Variants in TSN observed in about 807,000 individuals in gnomAD.
The protein encoded by TSN is translin, also known as component 3 of promoter of RISC.
A neutral mutation model predicts 29.4 loss-of-function variants in TSN; 5 were observed. The ratio of observed to expected loss-of-function variants is 0.17; its 90% CI spans 0.09 to 0.36. TSN has a LOEUF of 0.36. Among genes scored for constraint, TSN ranks in the 10% least tolerant of loss-of-function variants. The pLI, the probability that TSN is intolerant of heterozygous loss-of-function variation, is 1.00. For missense variants in TSN, 159 were observed against 272.8 expected, an observed-to-expected ratio of 0.58 and a Z score of 2.94; for synonymous variants, 106 against 102.2, an observed-to-expected ratio of 1.04 and a Z score of -0.23.
At position 121,757,250 on chromosome 2, in the gene TSN, A is replaced by G; in HGVS notation, c.77A>G (p.Lys26Arg). ...TTTAATTCTCTCTAGGAAATCAGAA[A>G]AGTTGTACAGAGTTTAGAACAAACA... ...AEQDIREEIR[K>R]VVQSLEQTAR... The change falls in exon 2 of 6, where the codon AAA becomes AGA. Residue 26 changes from lysine to arginine, a missense_variant. Transcript: ENST00000389682. The G allele has an allele frequency of 1.1e-5, 17 of 1,613,946 alleles. No homozygotes were observed. The highest frequency in any genetic ancestry group is 1.4e-5 in the Non-Finnish European group (16 of 1,179,932).
chr2:121,761,834 T>G (rs2074832853), intron 4 of TSN, among the ~76,000 whole-genome samples: 1 of 152,240 alleles, frequency 6.6e-6, no homozygotes, highest in African/African-American at 2.4e-5. Context: ...ATATTTTTTT[T>G]TTTTTGAGAC....
Position 121,757,284 on chromosome 2 carries a change from G to A in TSN, c.111G>A (p.Glu37=). ...AGAGTTTAGAACAAACAGCTCGAGA[G>A]ATTTTAACTCTACTGCAAGGGGTCC... ...VVQSLEQTAR[E]ILTLLQGVHQ... Residue 37 remains glutamate, a synonymous_variant, in exon 2 of 6, where the codon GAG becomes GAA. Coordinates refer to ENST00000389682, the MANE Select transcript of TSN (RefSeq NM_004622.3). 2 of 1,614,148 alleles carry A rather than the reference G, an allele frequency of 1.2e-6. No individual in the cohort carries two copies. Among genetic ancestry groups the A allele is most frequent in the Non-Finnish European group, 1.7e-6 (2 of 1,180,018 alleles).
At chr2:121,756,098 C>T in intron 1 of TSN, 1 of 705,260 alleles carries the variant, frequency 1.4e-6, no homozygotes, top group South Asian at 2.1e-5. Context: ...CTTTTCAGCA[C>T]TTGTTTATAT....
intron 4 of TSN, 84 bp downstream of exon 4, chr2:121,761,608 T>G: frequency 9.4e-7 from 1 of 1,062,312 alleles, no homozygotes; most frequent in Non-Finnish European, 1.5e-6. Context: ...CTTTGTTTAT[T>G]AAAACAAACA....
chr2:121,756,319 C>A (rs1200859536), intron 1 of TSN: 3 of 252,592 alleles, frequency 1.2e-5, no homozygotes, highest in Non-Finnish European at 2.4e-5. Context: ...TTTACCTCTT[C>A]TAGTGCCCCA....
chr2:121,763,136 AGT>A, intron 5 of TSN, 52 bp downstream of exon 5: 131 of 650,624 alleles, frequency 2.0e-4, no homozygotes, highest in Middle Eastern at 3.1e-4. Flanking sequence ...CTTCACTGTC[AGT>A]TTTTTTTTTT....
intron 2 of TSN, 103 bp downstream of exon 2, chr2:121,757,436 T>C: frequency 6.4e-7 from 1 of 1,566,522 alleles, no homozygotes; most frequent in Non-Finnish European, 8.7e-7. Context: ...TGCTTTATGG[T>C]GAGTAAAAAT....
chr2:121,757,607 C>CA (rs1415081028), intron 2 of TSN: 1 of 470,232 alleles, frequency 2.1e-6, no homozygotes, highest in Non-Finnish European at 3.7e-6. Context: ...AGCTCTCTGC[C>CA]AGCACAGTAT....
At position 121,767,279 on chromosome 2, in the gene TSN, T is replaced by C. The variant is rs1264072907; in HGVS notation, c.*1912T>C. The C allele has an allele frequency of 6.6e-6, 1 of 152,176 alleles. No homozygotes were observed. Among genetic ancestry groups the C allele is most frequent in the East Asian group, 1.9e-4 (1 of 5,190 alleles). 9.4% of individuals were successfully genotyped at this position (152,176 alleles called of 1,614,324 possible). ...CTTGTTGTAAAGCAATAAAATTTTT[T>C]TGGTCTTTTTGTAAGTGAGTGTGCT... On this transcript the variant is annotated 3_prime_UTR_variant, in exon 6 of 6. Coordinates refer to ENST00000389682, the MANE Select transcript of TSN (RefSeq NM_004622.3).
chr2:121,762,968 C>T (rs773534432), intron 4 of TSN, 37 bp from the exon 5 acceptor site: 10 of 1,534,476 alleles, frequency 6.5e-6, no homozygotes, highest in African/African-American at 1.4e-5. Context: ...GCTTAACTTG[C>T]ATTCACAGCA....
intron 4 of TSN, 58 bp from the exon 5 acceptor site, chr2:121,762,947 T>TA: frequency 6.9e-7 from 1 of 1,453,644 alleles, no homozygotes; most frequent in Non-Finnish European, 9.4e-7. Context: ...TGTATATTTT[T>TA]ATATTCTGAG....
intron 3 of TSN, among the ~76,000 whole-genome samples, chr2:121,759,818 T>C (rs1161030851): frequency 6.6e-6 from 1 of 152,172 alleles, no homozygotes; most frequent in Admixed American, 6.6e-5. Flanking sequence ...AATATTCTTT[T>C]AAGGGAGAGG....
At chr2:121,757,498 A>G (rs1046751711) in intron 2 of TSN, 165 bp downstream of exon 2, 4 of 1,340,948 alleles carry the variant, frequency 3.0e-6, no homozygotes, top group Admixed American at 2.0e-5. Flanking sequence ...CCACTTCCAC[A>G]CAGTATGGTT....
At position 121,765,398 on chromosome 2, in the gene TSN, C is replaced by T; in HGVS notation, c.*31C>T. 6.2e-7 allele frequency: 1 copy of T among 1,607,844 alleles called. No homozygotes were observed. The highest frequency in any genetic ancestry group is 8.5e-7 in the Non-Finnish European group (1 of 1,174,744). On this transcript the variant is annotated 3_prime_UTR_variant, in exon 6 of 6. Transcript: ENST00000389682. ...TCTCCTTGCTCCTGGCCTTGCTGAC[C>T]TCAGCGGTTGCCAGGAAGGGGTGAG...
Position 121,767,727 on chromosome 2 carries a change from G to A in TSN, c.*2360G>A, listed in dbSNP as rs1007259199. The A allele has an allele frequency of 6.6e-6, 1 of 152,128 alleles. No homozygotes were observed. The highest frequency in any genetic ancestry group is 1.5e-5 in the Non-Finnish European group (1 of 68,032). 9.4% of individuals were successfully genotyped at this position (152,128 alleles called of 1,614,324 possible). ...TAAGGGAGTTTAATAGAGAAGGAAAGCTTTGGCAGTGTTTTGAGAACTTAA... is the reference window on the plus strand; with the variant it reads ...TAAGGGAGTTTAATAGAGAAGGAAAACTTTGGCAGTGTTTTGAGAACTTAA... On this transcript the variant is annotated 3_prime_UTR_variant, in exon 6 of 6. Coordinates refer to ENST00000389682, the MANE Select transcript of TSN (RefSeq NM_004622.3).
intron 1 of TSN, chr2:121,756,584 C>A: frequency 7.8e-7 from 1 of 1,274,308 alleles, no homozygotes; most frequent in South Asian, 1.2e-5. Flanking sequence ...GTGCCTCGCA[C>A]ATAAGTATGC....
At chr2:121,756,239 A>C in intron 1 of TSN, 1 of 251,336 alleles carries the variant, frequency 4.0e-6, no homozygotes, top group Non-Finnish European at 8.0e-6. Context: ...AAAAAATCAG[A>C]CTCTACTGTG....
intron 2 of TSN, among the ~76,000 whole-genome samples, chr2:121,757,855 G>T (rs1475254599): frequency 1.3e-5 from 2 of 151,640 alleles, no homozygotes; most frequent in African/African-American, 2.4e-5. Context: ...TATTAGAGAT[G>T]GGGTTTCACT....
intron 1 of TSN, among the ~76,000 whole-genome samples, 179 bp from the exon 2 acceptor site, chr2:121,757,061 G>A (rs942454925): frequency 5.9e-5 from 9 of 152,240 alleles, no homozygotes; most frequent in African/African-American, 2.2e-4. Flanking sequence ...TTCTTTAAAG[G>A]GTATCTGAGG....
Sources: allele counts gnomAD v4.1 joint callset (sites outside exome capture counted in the v4.1 genomes callset), GRCh38; gene constraint gnomAD v4.1.1; transcripts MANE v1.5; gene names NCBI Gene and HGNC (gene_info 2026-07-23, HGNC 2026-07-21).